Variants in FCHO2 observed in about 807,000 individuals in gnomAD.
FCHO2 encodes FCH and mu domain containing endocytic adaptor 2, also known as F-BAR domain only protein 2.
Under a neutral mutation model 114.1 loss-of-function variants are expected in FCHO2, and 43 were observed. That is an observed-to-expected ratio of 0.38 (90% CI 0.30 to 0.49). The LOEUF is 0.49. Among genes scored for constraint, FCHO2 ranks in the 20% least tolerant of loss-of-function variants. The pLI is 0.97. For missense variants in FCHO2, 807 were observed against 950.4 expected, an observed-to-expected ratio of 0.85 and a Z score of 1.98; for synonymous variants, 293 against 315.2, an observed-to-expected ratio of 0.93 and a Z score of 0.75.
At chr5:73,078,075 CTT>C (rs1193826634) in intron 21 of FCHO2, 103 bp from the exon 22 acceptor site, 1 of 827,186 alleles carries the variant, frequency 1.2e-6, no homozygotes, top group Non-Finnish European at 1.7e-6. Flanking sequence ...CATCCCACCT[CTT>C]GGTTTATTTC....
chr5:73,020,999 T>A (rs1452854720), intron 8 of FCHO2: 7 of 1,558,770 alleles, frequency 4.5e-6, no homozygotes, highest in Non-Finnish European at 5.3e-6. Context: ...CTCTTTTCAT[T>A]ATCCTCAATG....
At chr5:72,975,627 C>A (rs1352070895) in intron 2 of FCHO2, among the ~76,000 whole-genome samples, 1 of 152,130 alleles carries the variant, frequency 6.6e-6, no homozygotes, top group African/African-American at 2.4e-5. Context: ...GCCTCAGCCT[C>A]TTGAGTAGCT....
intron 2 of FCHO2, among the ~76,000 whole-genome samples, chr5:72,985,302 C>T (rs1361891247): frequency 6.6e-6 from 1 of 152,020 alleles, no homozygotes; most frequent in Non-Finnish European, 1.5e-5. Context: ...GCTGGGATTG[C>T]AGATGCATGC....
intron 2 of FCHO2, among the ~76,000 whole-genome samples, chr5:72,981,284 T>A (rs1340557485): frequency 6.6e-6 from 1 of 152,176 alleles, no homozygotes; most frequent in Non-Finnish European, 1.5e-5. Context: ...CACTGTCTTC[T>A]GGCTTGTAGG....
At chr5:73,030,124 C>T (rs1051083761) in intron 8 of FCHO2, among the ~76,000 whole-genome samples, 9 of 151,054 alleles carry the variant, frequency 6.0e-5, no homozygotes, top group African/African-American at 1.9e-4. Context: ...TCACTGCAAC[C>T]TCCGCCTCCT....
chr5:72,996,541 C>G (rs1239042940), intron 5 of FCHO2, among the ~76,000 whole-genome samples: 1 of 144,138 alleles, frequency 6.9e-6, no homozygotes, highest in East Asian at 2.0e-4. Context: ...CCCTCCCTTA[C>G]CCCTTCATCC....
At chr5:73,025,030 A>G (rs1330144312) in intron 8 of FCHO2, among the ~76,000 whole-genome samples, 1 of 152,154 alleles carries the variant, frequency 6.6e-6, no homozygotes, top group Admixed American at 6.5e-5. Context: ...TCGTAGAGTC[A>G]CTAAACCCAG....
chr5:73,077,102 T>G (rs1188240238), intron 20 of FCHO2, among the ~76,000 whole-genome samples: 2 of 152,202 alleles, frequency 1.3e-5, no homozygotes, highest in Non-Finnish European at 2.9e-5. Context: ...CTTGCATTTG[T>G]GTTTAGAGTT....
chr5:73,017,087 C>T (rs1181529021), intron 7 of FCHO2, 125 bp from the exon 8 acceptor site: 5 of 584,372 alleles, frequency 8.6e-6, no homozygotes, highest in South Asian at 2.9e-5. Context: ...TTAAAGTCCT[C>T]AAAGGGCCTT....
chr5:73,056,131 T>C, intron 16 of FCHO2, 24 bp downstream of exon 16: 2 of 1,508,104 alleles, frequency 1.3e-6, no homozygotes, highest in South Asian at 2.6e-5. Flanking sequence ...TTTAATTTTG[T>C]TAAAAAATAG....
chr5:72,966,438 C>A (rs1411643688), intron 1 of FCHO2, among the ~76,000 whole-genome samples: 2 of 152,166 alleles, frequency 1.3e-5, no homozygotes, highest in Non-Finnish European at 2.9e-5. Context: ...GCACAAGCCT[C>A]TGACAATAAA....
intron 5 of FCHO2, among the ~76,000 whole-genome samples, chr5:72,993,720 A>G (rs1462756792): frequency 1.3e-5 from 2 of 152,226 alleles, no homozygotes; most frequent in Admixed American, 1.3e-4. Flanking sequence ...ATTTCAGTTA[A>G]CAGACCTTTT....
chr5:72,998,419 A>G (rs1019183794), intron 5 of FCHO2, among the ~76,000 whole-genome samples: 2 of 151,938 alleles, frequency 1.3e-5, no homozygotes, highest in Non-Finnish European at 2.9e-5. Flanking sequence ...CCTGGGAGGC[A>G]GAGCTTGCAG....
At chr5:73,071,710 G>C (rs1742664146) in intron 19 of FCHO2, among the ~76,000 whole-genome samples, 1 of 151,950 alleles carries the variant, frequency 6.6e-6, no homozygotes, top group South Asian at 2.1e-4. Context: ...TTCATTTTTT[G>C]AAGTATCCAT....
intron 8 of FCHO2, among the ~76,000 whole-genome samples, chr5:73,031,968 A>C (rs1421001255): frequency 6.6e-6 from 1 of 152,250 alleles, no homozygotes; most frequent in Admixed American, 6.5e-5. Context: ...CTCTGGCTTT[A>C]GTACTGTCAA....
chr5:72,988,970 A>G (rs1753683765), intron 2 of FCHO2, among the ~76,000 whole-genome samples: 4 of 152,170 alleles, frequency 2.6e-5, no homozygotes, highest in Non-Finnish European at 1.5e-5. Context: ...GCACTTTGGG[A>G]GGCCTAGGTG....
intron 1 of FCHO2, among the ~76,000 whole-genome samples, chr5:72,956,496 G>T (rs1293334132): frequency 6.6e-6 from 1 of 151,870 alleles, no homozygotes; most frequent in African/African-American, 2.4e-5. Flanking sequence ...GGACGGGCCC[G>T]CGGCACAGCC....
chr5:72,999,848 T>A (rs894110581), intron 5 of FCHO2, among the ~76,000 whole-genome samples: 3 of 152,206 alleles, frequency 2.0e-5, no homozygotes, highest in Non-Finnish European at 4.4e-5. Flanking sequence ...GCTAAGGAAA[T>A]GAATAAAACT....
chr5:72,963,148 G>A (rs1751968910), intron 1 of FCHO2, among the ~76,000 whole-genome samples: 1 of 152,168 alleles, frequency 6.6e-6, no homozygotes, highest in Non-Finnish European at 1.5e-5. Context: ...TGTATTTGAA[G>A]GAGTGAAGAT....
Sources: allele counts gnomAD v4.1 joint callset (sites outside exome capture counted in the v4.1 genomes callset), GRCh38; gene constraint gnomAD v4.1.1; transcripts MANE v1.5; gene names NCBI Gene and HGNC (gene_info 2026-07-23, HGNC 2026-07-21).